RASA2: variants seen among roughly 807,000 people sequenced by gnomAD.
The protein encoded by RASA2 is ras GTPase-activating protein 2.
Under a neutral mutation model 118.2 loss-of-function variants are expected in RASA2, and 155 were observed. The observed-to-expected ratio is 1.31, with a 90% CI of 1.15 to 1.50. RASA2 has a LOEUF of 1.50. RASA2 is among the 40% of genes most tolerant of loss of function. The pLI is 0.00. For missense variants in RASA2, 1,016 were observed against 1,009.6 expected, an observed-to-expected ratio of 1.01 and a Z score of -0.09; for synonymous variants, 353 against 349.1, an observed-to-expected ratio of 1.01 and a Z score of -0.12.
chr3:141,570,952 A>G lies in RASA2; in HGVS notation c.904A>G (p.Lys302Glu). 2 of 1,611,180 alleles carry G rather than the reference A, an allele frequency of 1.2e-6. No individual in the cohort carries two copies. The highest frequency in any genetic ancestry group is 1.7e-6 in the Non-Finnish European group (2 of 1,178,650). ...AAGAGACAATGGAAACAAGTCATCC[A>G]AAACTGATGACCTGGGGTCTCTTCG... Reference protein sequence around the residue: ...QPRDNGNKSSKTDDLGSLRLN... With the variant: ...QPRDNGNKSSETDDLGSLRLN... The change falls in exon 10 of 24, where the codon AAA becomes GAA. Residue 302 changes from lysine to glutamate, a missense_variant. Around this residue, in one of 2 missense-constraint regions of RASA2, gnomAD observed 896 missense variants for 836.4 expected, o/e 1.07. Transcript: ENST00000286364.
At chr3:141,506,783 G>T (rs1340154799) in intron 1 of RASA2, among the ~76,000 whole-genome samples, 2 of 151,996 alleles carry the variant, frequency 1.3e-5, no homozygotes, top group Admixed American at 1.3e-4. Context: ...AGGCATGGTG[G>T]TATGTGTCTG....
At chr3:141,524,811 A>G (rs556918921) in intron 3 of RASA2, among the ~76,000 whole-genome samples, 2 of 152,050 alleles carry the variant, frequency 1.3e-5, no homozygotes, top group African/African-American at 4.8e-5. Flanking sequence ...GGCTAGTCTC[A>G]AACTCCTGAG....
intron 3 of RASA2, among the ~76,000 whole-genome samples, chr3:141,528,659 A>T (rs1394511755): frequency 1.3e-5 from 2 of 151,942 alleles, no homozygotes; most frequent in Admixed American, 1.3e-4. Flanking sequence ...GTCACCACTA[A>T]TTCCAGAGTG....
intron 4 of RASA2, among the ~76,000 whole-genome samples, chr3:141,533,463 GGGTTCCCTT>G (rs1470623184): frequency 6.6e-6 from 1 of 152,134 alleles, no homozygotes; most frequent in Admixed American, 6.5e-5. Context: ...TCAGCGCAAA[GGGTTCCCTT>G]AGTTGTGAAG....
At chr3:141,548,585 A>G (rs1369646821) in intron 5 of RASA2, among the ~76,000 whole-genome samples, 2 of 152,142 alleles carry the variant, frequency 1.3e-5, no homozygotes, top group Non-Finnish European at 2.9e-5. Flanking sequence ...TCTGAAATTC[A>G]TGACATTCTC....
chr3:141,593,983 G>C (rs1017574516), intron 19 of RASA2, among the ~76,000 whole-genome samples: 1 of 152,126 alleles, frequency 6.6e-6, no homozygotes, highest in African/African-American at 2.4e-5. Flanking sequence ...TAGACCCCTA[G>C]ATGATCTACA....
intron 19 of RASA2, among the ~76,000 whole-genome samples, chr3:141,589,795 C>T (rs547717974): frequency 8.6e-5 from 13 of 151,498 alleles, no homozygotes; most frequent in African/African-American, 2.7e-4. Flanking sequence ...GAGCCAAGAT[C>T]GCGCCACTGC....
chr3:141,587,009 A>T (rs559035081), intron 19 of RASA2: 1 of 472,296 alleles, frequency 2.1e-6, no homozygotes, highest in African/African-American at 2.0e-5. Context: ...AATCCATAGT[A>T]ATCCATACTG....
chr3:141,575,549 G>A (rs930555360), intron 14 of RASA2, among the ~76,000 whole-genome samples: 3 of 152,136 alleles, frequency 2.0e-5, no homozygotes, highest in Non-Finnish European at 4.4e-5. Flanking sequence ...AACCACATGA[G>A]GTAGGTACTA....
Position 141,609,585 on chromosome 3 carries a change from C to A in RASA2, c.2329+62C>A. ...TTCATTACCAATTCCTAAAGTATTG[C>A]TTTAGCATTATACAAAAGTTGAAAA... On this transcript the variant is annotated intron_variant, in intron 22 of 23. Coordinates refer to ENST00000286364, the MANE Select transcript of RASA2 (RefSeq NM_006506.5). 6.3e-6 allele frequency: 8 copies of A among 1,279,360 alleles called. 1 individual carries two copies. The South Asian group carries it at 1.0e-4, about 16-fold the overall frequency. 79.3% of individuals were successfully genotyped at this position (1,279,360 alleles called of 1,614,324 possible). A position where few individuals can be genotyped will look rare whatever the true frequency, so the allele number is the denominator to read the frequency against.
intron 5 of RASA2, among the ~76,000 whole-genome samples, chr3:141,547,685 T>C (rs1456865531): frequency 6.6e-6 from 1 of 152,212 alleles, no homozygotes; most frequent in East Asian, 1.9e-4. Context: ...TGGATGCCTT[T>C]ATTTCTATCT....
chr3:141,592,954 T>C (rs1032872136), intron 19 of RASA2, among the ~76,000 whole-genome samples: 19 of 151,890 alleles, frequency 1.3e-4, no homozygotes, highest in African/African-American at 3.9e-4. Context: ...TATATTAGAC[T>C]AACTCTTATA....
At chr3:141,548,344 C>T (rs1203062989) in intron 5 of RASA2, among the ~76,000 whole-genome samples, 1 of 152,100 alleles carries the variant, frequency 6.6e-6, no homozygotes, top group Non-Finnish European at 1.5e-5. Context: ...TTTACTGTGG[C>T]TTCAATTTCA....
At chr3:141,492,563 C>A (rs1014070943) in intron 1 of RASA2, among the ~76,000 whole-genome samples, 2 of 152,194 alleles carry the variant, frequency 1.3e-5, no homozygotes, top group African/African-American at 4.8e-5. Context: ...TGACTTTGGG[C>A]AAATTCTTTA....
At chr3:141,579,673 G>A (rs1476165132) in intron 15 of RASA2, among the ~76,000 whole-genome samples, 1 of 152,174 alleles carries the variant, frequency 6.6e-6, no homozygotes. Flanking sequence ...TAGTAAAGTA[G>A]AAGTGACTAT....
chr3:141,538,470 T>A (rs2082360444), intron 4 of RASA2, among the ~76,000 whole-genome samples: 1 of 152,134 alleles, frequency 6.6e-6, no homozygotes. Flanking sequence ...TGGTAGATGA[T>A]CTTGTAATTT....
Position 141,586,952 on chromosome 3 carries a change from T to C in RASA2, c.1933+200T>C, listed in dbSNP as rs919883773. The stretch of plus-strand genomic sequence containing the variant: ...TTATGTTTTTCTCACATTAAATTTC[T>C]TGAGTTTCTGAAAATGGTGTTCCTT... On this transcript the variant is annotated intron_variant, in intron 19 of 23. Transcript: ENST00000286364. 1.4e-4 allele frequency: 82 copies of C among 598,798 alleles called. 1 individual carries two copies. The highest frequency in any genetic ancestry group is 1.3e-3 in the African/African-American group (72 of 53,788). 37.1% of individuals were successfully genotyped at this position (598,798 alleles called of 1,614,324 possible).
chr3:141,562,319 TA>T (rs554671192), intron 9 of RASA2, among the ~76,000 whole-genome samples: 2,042 of 132,654 alleles, frequency 0.015, 23 homozygotes, highest in African/African-American at 0.034. Flanking sequence ...TGTCTTCAGT[TA>T]AAAAAAAAAA....
intron 19 of RASA2, among the ~76,000 whole-genome samples, chr3:141,591,085 A>G (rs2083279064): frequency 6.6e-6 from 1 of 152,214 alleles, no homozygotes; most frequent in Non-Finnish European, 1.5e-5. Context: ...ATCTTCTACA[A>G]GTAAAAGTTC....
Sources: gnomAD v4.1 joint callset for allele counts (sites outside exome capture counted in the v4.1 genomes callset) on GRCh38, gnomAD v4.1.1 for gene constraint, gnomAD v4.1.1 regional missense constraint, MANE v1.5 for transcripts, NCBI Gene and HGNC (gene_info 2026-07-23, HGNC 2026-07-21) for gene names.